The following TRNT1 variants were observed in gnomAD, a reference collection of about 807,000 sequenced individuals.
TRNT1 encodes CCA tRNA nucleotidyltransferase 1, mitochondrial.
A neutral mutation model predicts 45.6 loss-of-function variants in TRNT1; 44 were observed. That is an observed-to-expected ratio of 0.97 (90% CI 0.76 to 1.24). The LOEUF (loss-of-function observed/expected upper bound fraction) is 1.24, where lower values mean the gene tolerates loss of function less well. Ranked by LOEUF, TRNT1 falls within the 50% of genes most tolerant of loss-of-function variation. TRNT1 has a pLI of 0.00. For missense variants in TRNT1, 633 were observed against 504.4 expected (o/e 1.25, Z -2.44); for synonymous variants, 201 against 171.4 (o/e 1.17, Z -1.35).
At chr3:3,143,587 G>T (rs1291354768) in intron 4 of TRNT1, among the ~76,000 whole-genome samples, 1 of 152,152 alleles carries the variant, frequency 6.6e-6, no homozygotes, top group East Asian at 1.9e-4. Context: ...TTGGAAATGG[G>T]TATTTACTGG....
chr3:3,152,664 A>G (rs994360889), downstream of TRNT1: 7 of 1,547,920 alleles, frequency 4.5e-6, no homozygotes, highest in Non-Finnish European at 6.2e-6. Flanking sequence ...ATTTTATTGA[A>G]GTTCACCAAG....
chr3:3,131,059 C>T (rs898404364), intron 2 of TRNT1, among the ~76,000 whole-genome samples: 5 of 150,276 alleles, frequency 3.3e-5, no homozygotes, highest in Non-Finnish European at 7.4e-5. Context: ...CCAGCCTGGG[C>T]GACACAGACC....
chr3:3,147,882 TAA>T, intron 7 of TRNT1, 22 bp from the exon 8 acceptor site: 1 of 1,595,502 alleles, frequency 6.3e-7, no homozygotes, highest in Non-Finnish European at 8.5e-7. Flanking sequence ...GTGACGAAAC[TAA>T]ATGTTTGATT....
rs766810018 is a variant in TRNT1, at chr3:3,146,509, T to C, written c.688T>C (p.Leu230=). 1 of 1,614,074 alleles carries C rather than the reference T, an allele frequency of 6.2e-7. No individual in the cohort carries two copies. Among genetic ancestry groups the C allele is most frequent in the Non-Finnish European group, 8.5e-7 (1 of 1,179,984 alleles). The part of the protein sequence containing the change: ...LEAIAENAKG[L]AGISGERIWV... ...AGCAATTGCAGAAAATGCAAAAGGC[T>C]TGGCTGGAATATCAGGAGAAAGGAT... Residue 230 remains leucine, a synonymous_variant, in exon 6 of 8, where the codon TTG becomes CTG. Coordinates refer to ENST00000251607, the MANE Select transcript of TRNT1 (RefSeq NM_182916.3).
At chr3:3,144,783 C>T (rs1705881608) in intron 5 of TRNT1, 73 bp downstream of exon 5, 2 of 1,367,982 alleles carry the variant, frequency 1.5e-6, no homozygotes, top group South Asian at 1.5e-5. Context: ...CATACGAAAC[C>T]CACAGCAGGT....
rs187514370 is a variant in TRNT1, at chr3:3,135,920, A to T, written c.149-1340A>T. Among the ~76,000 whole-genome samples, 751 of 152,292 alleles carry T rather than the reference A, an allele frequency of 4.9e-3. 2 individuals are homozygous for T. The highest frequency in any genetic ancestry group is 8.5e-3 in the Non-Finnish European group (581 of 68,020). On this transcript the variant is annotated intron_variant, in intron 2 of 7. Coordinates refer to ENST00000251607, the MANE Select transcript of TRNT1 (RefSeq NM_182916.3). ...TATACTCAGTAAGAGGGCTTTAGAA[A>T]TGACTTCTTATAGGAGTTGGGCTTG...
Position 3,147,631 on chromosome 3 carries a change from A to T in TRNT1, c.984A>T (p.Lys328Asn). 1 of 1,613,868 alleles carries T rather than the reference A, an allele frequency of 6.2e-7. No individual in the cohort carries two copies. The highest frequency in any genetic ancestry group is 8.5e-7 in the Non-Finnish European group (1 of 1,179,802). ...EEKNLGLFIV[K>N]NRKDLIKATD... ...AAAACCTTGGCTTATTTATAGTTAA[A>T]AATAGGAAAGATTTAATTAAAGCAA... Residue 328 changes from lysine to asparagine, a missense_variant, in exon 7 of 8, where the codon AAA becomes AAT. Coordinates refer to ENST00000251607, the MANE Select transcript of TRNT1 (RefSeq NM_182916.3).
At chr3:3,128,303 G>T (rs1704733506) in intron 1 of TRNT1, among the ~76,000 whole-genome samples, 1 of 152,044 alleles carries the variant, frequency 6.6e-6, no homozygotes, top group Non-Finnish European at 1.5e-5. Context: ...GTCCTGTTAA[G>T]AATTCCTTTG....
At chr3:3,151,712 C>T (rs1706565125), downstream of TRNT1, among the ~76,000 whole-genome samples, 1 of 152,140 alleles carries the variant, frequency 6.6e-6, no homozygotes. Context: ...GATACATAGT[C>T]CTAACCCCAG....
At chr3:3,149,891 A>T (rs574185388), downstream of TRNT1, 5 of 152,178 alleles carry the variant, frequency 3.3e-5, no homozygotes, top group African/African-American at 4.8e-5. Context: ...TATCATACAA[A>T]TGTGGAAGGA....
intron 2 of TRNT1, among the ~76,000 whole-genome samples, chr3:3,132,705 TA>T (rs1370164275): frequency 4.3e-4 from 17 of 39,658 alleles, no homozygotes; most frequent in Admixed American, 2.4e-3. Context: ...ATTAAAAAAA[TA>T]AAAAAAAACA....
chr3:3,130,175 T>A, intron 2 of TRNT1: 1 of 581,682 alleles, frequency 1.7e-6, no homozygotes, highest in Non-Finnish European at 3.0e-6. Flanking sequence ...GTAGTATATG[T>A]AGAAATATGA....
rs145131195 is a variant in TRNT1, at chr3:3,147,078, C to T, written c.803-372C>T. Among the ~76,000 whole-genome samples the T allele has an allele frequency of 1.4e-3, 208 of 152,166 alleles. 2 individuals carry two copies. Among genetic ancestry groups the T allele is most frequent in the African/African-American group, 4.7e-3 (197 of 41,518 alleles). On this transcript the variant is annotated intron_variant, in intron 6 of 7. Transcript: ENST00000251607. ...TGGGATTATATGGTTTATCACACTT[C>T]GGTAAGCTTGGGCATATTTCAAATT...
chr3:3,140,766 A>T, intron 4 of TRNT1, 118 bp downstream of exon 4: 3 of 1,302,494 alleles, frequency 2.3e-6, no homozygotes, highest in Non-Finnish European at 3.2e-6. Flanking sequence ...CTTCTAAGAG[A>T]TGGTTTAGCA....
chr3:3,136,814 C>G (rs567914511), intron 2 of TRNT1: 3 of 334,980 alleles, frequency 9.0e-6, no homozygotes, highest in African/African-American at 6.6e-5. Context: ...GCCACTGAAC[C>G]TGGCTATTTT....
At chr3:3,136,039 TTAA>T (rs763304397) in intron 2 of TRNT1, among the ~76,000 whole-genome samples, 2 of 152,128 alleles carry the variant, frequency 1.3e-5, no homozygotes, top group Non-Finnish European at 2.9e-5. Flanking sequence ...ATTGGGTGTC[TTAA>T]TAATGGTTTC....
chr3:3,150,687 G>A (rs1706465987), downstream of TRNT1: 1 of 616,858 alleles, frequency 1.6e-6, no homozygotes, highest in African/African-American at 1.8e-5. Context: ...GTTTCCTAAA[G>A]TATACTTAAA....
At chr3:3,130,266 T>C (rs893255934) in intron 2 of TRNT1, 1 of 310,300 alleles carries the variant, frequency 3.2e-6, no homozygotes, top group African/African-American at 2.2e-5. Context: ...TGCAGCCTAC[T>C]GAATTAGAAT....
chr3:3,149,057 A>G (rs1039374181), downstream of TRNT1: 3 of 152,014 alleles, frequency 2.0e-5, no homozygotes, highest in African/African-American at 7.3e-5. Flanking sequence ...TTCAGCTGCT[A>G]TACTGACATT....
Sources: gnomAD v4.1 joint callset for allele counts (sites outside exome capture counted in the v4.1 genomes callset) on GRCh38, gnomAD v4.1.1 for gene constraint, MANE v1.5 for transcripts, NCBI Gene and HGNC (gene_info 2026-07-23, HGNC 2026-07-21) for gene names.